Variants in EFNA5 observed in about 807,000 individuals in gnomAD.
EFNA5 encodes the protein ephrin A5.
In EFNA5, 5 loss-of-function variants were observed where a neutral mutation model predicts 22.9. The observed-to-expected ratio is 0.22, with a 90% CI of 0.11 to 0.46. EFNA5 has a LOEUF of 0.46. EFNA5 is among the 20% of genes least tolerant of loss of function. The probability of loss-of-function intolerance (pLI) is 0.99; values close to 1 mark genes in which losing one functional copy is unlikely to be tolerated. For missense variants in EFNA5, 237 were observed against 293.3 expected, an observed-to-expected ratio of 0.81 and a Z score of 1.40; for synonymous variants, 113 against 112.2, an observed-to-expected ratio of 1.01 and a Z score of -0.04.
chr5:107,440,709 G>A (rs1001409330), intron 1 of EFNA5, among the ~76,000 whole-genome samples: 3 of 152,168 alleles, frequency 2.0e-5, no homozygotes, highest in Non-Finnish European at 2.9e-5. Context: ...CACTGTTCAA[G>A]GCAGACAGAA....
chr5:107,578,765 A>T (rs1421627253), intron 1 of EFNA5, among the ~76,000 whole-genome samples: 1 of 152,278 alleles, frequency 6.6e-6, no homozygotes, highest in Non-Finnish European at 1.5e-5. Flanking sequence ...AGTAAAAAGG[A>T]CATGATGGCA....
chr5:107,669,459 T>C (rs1038521923), intron 1 of EFNA5, among the ~76,000 whole-genome samples: 6 of 151,758 alleles, frequency 4.0e-5, no homozygotes, highest in Non-Finnish European at 8.8e-5. Flanking sequence ...CCGACTTCTG[T>C]GCACAGGCCG....
rs1161571717 is a variant in EFNA5 at position 107,496,354 on chromosome 5, CA to C, written c.126-68846del. ...TCCATCTCAAAAAAAAAAAAAAAAA[CA>C]AAAAAACAAAAAACAACAACTACCC... On this transcript the variant is annotated intron_variant, in intron 1 of 4. Transcript: ENST00000333274. 7.4e-5 allele frequency among the ~76,000 whole-genome samples: 9 copies of C among 121,762 alleles called. No homozygotes were observed. In the East Asian group the frequency reaches 8.9e-4, roughly 12 times the overall value. 79.9% of individuals were successfully genotyped at this position (121,762 alleles called of 152,430 possible). A position where few individuals can be genotyped will look rare whatever the true frequency, so the allele number is the denominator to read the frequency against.
chr5:107,629,742 A>C (rs1750208883), intron 1 of EFNA5, among the ~76,000 whole-genome samples: 1 of 152,210 alleles, frequency 6.6e-6, no homozygotes, highest in African/African-American at 2.4e-5. Context: ...CCCAACACAA[A>C]TCTGTAAACT....
rs745915350 is a variant in EFNA5 at position 107,446,700 on chromosome 5, GCCAAGA to G, written c.126-19197_126-19192del. Among the ~76,000 whole-genome samples the G allele has an allele frequency of 2.0e-3, 305 of 152,216 alleles. 3 individuals carry two copies. The highest frequency in any genetic ancestry group is 0.017 in the South Asian group (81 of 4,828). ...ACCCAGGAGGCAGAGGTTGCAGTGA[GCCAAGA>G]TCACGCCACTGCACTCCAGCCTGGG... On this transcript the variant is annotated intron_variant, in intron 1 of 4. Coordinates refer to ENST00000333274, the MANE Select transcript of EFNA5 (RefSeq NM_001962.3).
chr5:107,430,160 G>A lies in EFNA5; in HGVS notation c.126-2651C>T, dbSNP rs549501096. Among the ~76,000 whole-genome samples the A allele has an allele frequency of 2.6e-5, 4 of 152,286 alleles. No homozygotes were observed. The South Asian group carries it at 8.3e-4, about 32-fold the overall frequency. The stretch of plus-strand genomic sequence containing the variant: ...AGACAATGATTTGTCAAGATGCAAG[G>A]AAAGCCTGTGTTGCTTTTAAAAGAT... On this transcript the variant is annotated intron_variant, in intron 1 of 4. Transcript: ENST00000333274.
intron 1 of EFNA5, among the ~76,000 whole-genome samples, chr5:107,436,881 C>A (rs559513260): frequency 3.3e-5 from 5 of 152,188 alleles, no homozygotes; most frequent in Admixed American, 3.3e-4. Context: ...AGGAGAGTTA[C>A]CCAGCAGAAT....
chr5:107,483,344 A>C (rs1309894324), intron 1 of EFNA5, among the ~76,000 whole-genome samples: 1 of 152,152 alleles, frequency 6.6e-6, no homozygotes, highest in Non-Finnish European at 1.5e-5. Context: ...TTATATTTAC[A>C]GTTTTCAACG....
intron 1 of EFNA5, among the ~76,000 whole-genome samples, chr5:107,650,457 G>A (rs1460438554): frequency 2.0e-5 from 3 of 152,126 alleles, no homozygotes; most frequent in Non-Finnish European, 4.4e-5. Flanking sequence ...AAAAGGAAGG[G>A]AAACTAAGAT....
chr5:107,567,753 A>G (rs143366790), intron 1 of EFNA5, among the ~76,000 whole-genome samples: 12 of 152,342 alleles, frequency 7.9e-5, no homozygotes, highest in African/African-American at 2.9e-4. Flanking sequence ...ACCTAGGTGG[A>G]GGTCTATATG....
At chr5:107,554,742 C>T (rs1748371398) in intron 1 of EFNA5, among the ~76,000 whole-genome samples, 2 of 152,048 alleles carry the variant, frequency 1.3e-5, no homozygotes, top group South Asian at 4.2e-4. Context: ...CAGTAATAAC[C>T]CTATGGATTA....
At chr5:107,633,384 A>G (rs1750300313) in intron 1 of EFNA5, among the ~76,000 whole-genome samples, 1 of 152,216 alleles carries the variant, frequency 6.6e-6, no homozygotes, top group African/African-American at 2.4e-5. Context: ...AGAAGGGAAA[A>G]GTCTCCTGAC....
At chr5:107,500,899 T>C (rs987318020) in intron 1 of EFNA5, among the ~76,000 whole-genome samples, 2 of 151,422 alleles carry the variant, frequency 1.3e-5, no homozygotes, top group Non-Finnish European at 2.9e-5. Flanking sequence ...AAAGGTTTCC[T>C]GTGAACATTT....
At chr5:107,449,727 C>T (rs924058229) in intron 1 of EFNA5, among the ~76,000 whole-genome samples, 3 of 152,098 alleles carry the variant, frequency 2.0e-5, no homozygotes, top group Non-Finnish European at 4.4e-5. Context: ...AAATAAATAA[C>T]GTACACTTAA....
intron 2 of EFNA5, among the ~76,000 whole-genome samples, chr5:107,414,426 G>A (rs1748452534): frequency 1.3e-5 from 2 of 152,022 alleles, no homozygotes; most frequent in Admixed American, 6.6e-5. Flanking sequence ...TTCCCACACT[G>A]GATTGTGAGC....
chr5:107,463,616 G>A (rs1450155578), intron 1 of EFNA5, among the ~76,000 whole-genome samples: 1 of 152,114 alleles, frequency 6.6e-6, no homozygotes, highest in African/African-American at 2.4e-5. Context: ...ACAATTTAGA[G>A]AGTAAATAAA....
chr5:107,482,713 C>T (rs1434050657), intron 1 of EFNA5, among the ~76,000 whole-genome samples: 5 of 152,022 alleles, frequency 3.3e-5, no homozygotes, highest in African/African-American at 1.2e-4. Flanking sequence ...ACCCTCCCTG[C>T]ACCAGGCTTA....
At chr5:107,562,032 G>A (rs1487530173) in intron 1 of EFNA5, among the ~76,000 whole-genome samples, 2 of 152,182 alleles carry the variant, frequency 1.3e-5, no homozygotes, top group Admixed American at 1.3e-4. Context: ...GTTGAGGTCA[G>A]GCTGACCATG....
rs1748804032 is a variant in EFNA5, at chr5:107,571,503, T to C, written c.125+98986A>G. 2.0e-5 allele frequency among the ~76,000 whole-genome samples: 3 copies of C among 151,642 alleles called. No homozygotes were observed. The South Asian group carries it at 6.3e-4, about 32-fold the overall frequency. On this transcript the variant is annotated intron_variant, in intron 1 of 4. Transcript: ENST00000333274. ...TCAATCACCCCCTCGTGCCAGACTA[T>C]GCTGAAGCTGCTTATAAATTACCAA...
Sources: allele counts gnomAD v4.1 joint callset (sites outside exome capture counted in the v4.1 genomes callset), GRCh38; gene constraint gnomAD v4.1.1; transcripts MANE v1.5; gene names NCBI Gene and HGNC (gene_info 2026-07-23, HGNC 2026-07-21).